The following DCLRE1C variants were observed in gnomAD, a reference collection of about 807,000 sequenced individuals.
The protein encoded by DCLRE1C is DNA cross-link repair 1C.
DCLRE1C carries 47 observed loss-of-function variants against 61.4 expected under a neutral mutation model. That is an observed-to-expected ratio of 0.77 (90% confidence interval 0.61 to 0.98). DCLRE1C has a LOEUF of 0.98. Ranked by LOEUF, DCLRE1C falls within the 50% of genes least tolerant of loss-of-function variation. The pLI is 0.00. For missense variants in DCLRE1C, 858 were observed against 816.0 expected (o/e 1.05, Z -0.63); for synonymous variants, 337 against 287.6 (o/e 1.17, Z -1.74).
intron 9 of DCLRE1C, among the ~76,000 whole-genome samples, chr10:14,930,380 G>C (rs1307031377): frequency 6.9e-6 from 1 of 144,696 alleles, no homozygotes; most frequent in Non-Finnish European, 1.5e-5. Flanking sequence ...CGATCCACCT[G>C]CCTTGGCCTC....
chr10:14,930,410 G>C (rs903888725), intron 9 of DCLRE1C, among the ~76,000 whole-genome samples: 2 of 147,678 alleles, frequency 1.4e-5, no homozygotes, highest in South Asian at 4.3e-4. Flanking sequence ...TGGGATTACA[G>C]ATGTGAGCCA....
rs571915427 is a variant in DCLRE1C, at chr10:14,904,978, G to T, written c.*3430C>A. Among the ~76,000 whole-genome samples the T allele has an allele frequency of 2.0e-5, 3 of 152,264 alleles. No individual in the cohort carries two copies. Among genetic ancestry groups the T allele is most frequent in the Non-Finnish European group, 4.4e-5 (3 of 67,996 alleles). On this transcript the variant is annotated 3_prime_UTR_variant, in exon 14 of 14. Coordinates refer to ENST00000378278, the MANE Select transcript of DCLRE1C (RefSeq NM_001033855.3). ...CATATCTAAAATGTAGACAATAGTT[G>T]TTTCTCTTTTAGTTCATCAGTTTCT...
downstream of DCLRE1C, among the ~76,000 whole-genome samples, chr10:14,901,705 C>T (rs1038604883): frequency 6.6e-6 from 1 of 151,888 alleles, no homozygotes; most frequent in African/African-American, 2.4e-5. Context: ...GTGGCGTGTG[C>T]CTGTAGTCCC....
At position 14,919,737 on chromosome 10, in the gene DCLRE1C, C is replaced by A; in HGVS notation, c.1156+1G>T. 1 of 1,612,330 alleles carries A rather than the reference C, an allele frequency of 6.2e-7. No homozygotes were observed. Among genetic ancestry groups the A allele is most frequent in the Non-Finnish European group, 8.5e-7 (1 of 1,178,470 alleles). On this transcript the variant is annotated splice_donor_variant, in intron 13 of 13. Coordinates refer to ENST00000378278, the MANE Select transcript of DCLRE1C (RefSeq NM_001033855.3). LOFTEE classifies it high-confidence loss of function. ...TCTGAACCCAGGACCATTTTTCTTA[C>A]CTGAGTCTCGGTGAACTGTTCTAGC...
downstream of DCLRE1C, among the ~76,000 whole-genome samples, chr10:14,900,268 T>C (rs1389319896): frequency 2.0e-5 from 3 of 152,162 alleles, no homozygotes; most frequent in African/African-American, 7.2e-5. Flanking sequence ...TTCCAAAAAT[T>C]AGGGAAGTTA....
At chr10:14,902,371 C>T (rs1034788029), downstream of DCLRE1C, 2 of 1,419,276 alleles carry the variant, frequency 1.4e-6, no homozygotes, top group Non-Finnish European at 1.9e-6. Context: ...TGTCTTAACT[C>T]TCTTTCTCCT....
chr10:14,940,014 AAC>A, intron 3 of DCLRE1C, 145 bp from the exon 4 acceptor site: 2 of 630,650 alleles, frequency 3.2e-6, no homozygotes, highest in Admixed American at 3.0e-5. Context: ...TAAATATTTT[AAC>A]AGTTAGAAAA....
chr10:14,922,867 A>G (rs541208618), intron 12 of DCLRE1C, 114 bp downstream of exon 12: 189 of 810,676 alleles, frequency 2.3e-4, no homozygotes, highest in East Asian at 1.7e-3. Context: ...CAGTTCAGAA[A>G]TGTCCCAAAA....
At chr10:14,924,037 C>A (rs1287826314) in intron 11 of DCLRE1C, among the ~76,000 whole-genome samples, 1 of 152,238 alleles carries the variant, frequency 6.6e-6, no homozygotes, top group Non-Finnish European at 1.5e-5. Flanking sequence ...GAAATAAGGA[C>A]AGCTGGGGTG....
chr10:14,914,333 C>T (rs975161061), intron 13 of DCLRE1C, among the ~76,000 whole-genome samples: 1 of 152,154 alleles, frequency 6.6e-6, no homozygotes, highest in African/African-American at 2.4e-5. Context: ...ATATAAGAAT[C>T]TTAAACTTGT....
At position 14,934,407 on chromosome 10, in the gene DCLRE1C, G is replaced by A. The variant is rs1197869661; in HGVS notation, c.651C>T (p.Thr217=). The part of the protein sequence containing the change: ...KAAYGYEYLF[T]NLSEELGVQV... ...GGACTCCTAATTCTTCACTAAGGTT[G>A]GTGAACAGATATTCATAGCCATAAG... The change falls in exon 8 of 14, where the codon ACC becomes ACT. Residue 217 remains threonine, a synonymous_variant. Coordinates refer to ENST00000378278, the MANE Select transcript of DCLRE1C (RefSeq NM_001033855.3). The A allele has an allele frequency of 1.2e-6, 2 of 1,613,966 alleles. No homozygotes were observed. The highest frequency in any genetic ancestry group is 2.7e-5 in the African/African-American group (2 of 74,946).
chr10:14,945,076 A>T (rs746818130), intron 3 of DCLRE1C, 29 bp downstream of exon 3: 1 of 1,558,390 alleles, frequency 6.4e-7, no homozygotes, highest in Non-Finnish European at 8.8e-7. Context: ...ACTTAAAAAA[A>T]ATTAAGTTAT....
chr10:14,954,202 G>T (rs1842861736), upstream of DCLRE1C: 3 of 872,824 alleles, frequency 3.4e-6, no homozygotes, highest in Non-Finnish European at 5.4e-6. Flanking sequence ...CTAGGCGCCC[G>T]CTGCTTGGGT....
At chr10:14,919,867 G>C in intron 12 of DCLRE1C, 35 bp from the exon 13 acceptor site, 2 of 1,555,694 alleles carry the variant, frequency 1.3e-6, no homozygotes, top group Middle Eastern at 1.7e-4. Flanking sequence ...TTTTCCTTTT[G>C]AGGAAGTTGT....
chr10:14,917,536 G>T (rs1471022481), intron 13 of DCLRE1C, among the ~76,000 whole-genome samples: 1 of 151,778 alleles, frequency 6.6e-6, no homozygotes, highest in Non-Finnish European at 1.5e-5. Flanking sequence ...GGAAAACTTA[G>T]TAATATGATG....
chr10:14,906,494 T>G lies in DCLRE1C; in HGVS notation c.*1914A>C, dbSNP rs992672405. Among the ~76,000 whole-genome samples, 1 of 152,246 alleles carries G rather than the reference T, an allele frequency of 6.6e-6. No homozygotes were observed. Among genetic ancestry groups the G allele is most frequent in the African/African-American group, 2.4e-5 (1 of 41,466 alleles). ...TCAGAGGAATGTTTACAGGCATTTT[T>G]TGAACAACCACTTTCGATCATAAGG... is the stretch of plus-strand genomic sequence containing the variant. On this transcript the variant is annotated 3_prime_UTR_variant, in exon 14 of 14. Coordinates refer to ENST00000378278, the MANE Select transcript of DCLRE1C (RefSeq NM_001033855.3).
At position 14,906,901 on chromosome 10, in the gene DCLRE1C, A is replaced by G. The variant is rs1001843111; in HGVS notation, c.*1507T>C. The stretch of plus-strand genomic sequence containing the variant: ...TTTTTTTTAATTTATTTTTCTTGAG[A>G]TGGGGTCTTGCTTTGTTGCCCAGGC... On this transcript the variant is annotated 3_prime_UTR_variant, in exon 14 of 14. Coordinates refer to ENST00000378278, the MANE Select transcript of DCLRE1C (RefSeq NM_001033855.3). Among the ~76,000 whole-genome samples the G allele has an allele frequency of 1.3e-5, 2 of 152,056 alleles. No homozygotes were observed. Among genetic ancestry groups the G allele is most frequent in the African/African-American group, 4.8e-5 (2 of 41,392 alleles).
intron 2 of DCLRE1C, among the ~76,000 whole-genome samples, chr10:14,948,628 C>G (rs1842020908): frequency 6.6e-6 from 1 of 152,014 alleles, no homozygotes; most frequent in South Asian, 2.1e-4. Flanking sequence ...ATAATGCCAG[C>G]CCTTTGGAAG....
At chr10:14,916,744 T>C (rs909355940) in intron 13 of DCLRE1C, among the ~76,000 whole-genome samples, 1 of 152,208 alleles carries the variant, frequency 6.6e-6, no homozygotes, top group African/African-American at 2.4e-5. Context: ...AAAACACTGC[T>C]GAGAGAAATT....
Sources: allele counts gnomAD v4.1 joint callset (sites outside exome capture counted in the v4.1 genomes callset), GRCh38; gene constraint gnomAD v4.1.1; transcripts MANE v1.5; gene names NCBI Gene and HGNC (gene_info 2026-07-23, HGNC 2026-07-21).